IQCK: variants seen among roughly 807,000 people sequenced by gnomAD.
IQCK encodes IQ motif containing K.
IQCK carries 29 observed loss-of-function variants against 28.1 expected under a neutral mutation model. That is an observed-to-expected ratio of 1.03 (90% confidence interval 0.77 to 1.41). The LOEUF is 1.41. Ranked by LOEUF, IQCK falls within the 40% of genes most tolerant of loss-of-function variation. The probability of loss-of-function intolerance (pLI) is 0.00; values close to 1 mark genes in which losing one functional copy is unlikely to be tolerated. For missense variants in IQCK, 359 were observed against 314.7 expected (o/e 1.14, Z -1.07); for synonymous variants, 113 against 115.1 (o/e 0.98, Z 0.12).
chr16:19,831,605 T>C (rs1369797727), downstream of IQCK, among the ~76,000 whole-genome samples: 2 of 151,958 alleles, frequency 1.3e-5, no homozygotes, highest in Admixed American at 6.6e-5. Flanking sequence ...TCCTTTAGAC[T>C]TGCAATAAAA....
chr16:19,719,965 G>A (rs941174956), intron 1 of IQCK, among the ~76,000 whole-genome samples: 1 of 152,036 alleles, frequency 6.6e-6, no homozygotes, highest in Non-Finnish European at 1.5e-5. Flanking sequence ...GAGCCACCAG[G>A]CCCAGCCCAG....
chr16:19,852,682 A>G (rs2056499370), intron 9 of IQCK, among the ~76,000 whole-genome samples: 1 of 137,912 alleles, frequency 7.3e-6, no homozygotes, highest in African/African-American at 2.8e-5. Context: ...GAGTGCAGTG[A>G]CGCGATCTTG....
intron 1 of IQCK, among the ~76,000 whole-genome samples, chr16:19,726,160 C>T (rs1478870813): frequency 2.0e-5 from 3 of 151,518 alleles, no homozygotes; most frequent in South Asian, 2.1e-4. Flanking sequence ...GTGATCCGCC[C>T]GCCTCGGCCT....
rs568537602 is a variant in IQCK, at chr16:19,773,987, T to C, written c.605+9875T>C. Among the ~76,000 whole-genome samples, 20 of 152,234 alleles carry C rather than the reference T, an allele frequency of 1.3e-4. No individual in the cohort carries two copies. The South Asian group carries it at 4.1e-3, about 32-fold the overall frequency. ...TCACTAGAAACATGTGGACCCAAAG[T>C]CATGGTATTGCGGGGGTCATCAGCA... On this transcript the variant is annotated intron_variant, in intron 6 of 7. Coordinates refer to ENST00000564186, the Ensembl canonical transcript of IQCK.
chr16:19,730,430 A>AGT lies in IQCK; in HGVS notation c.183_184dup (p.Tyr62CysfsTer20). On this transcript the variant is annotated frameshift_variant and splice_region_variant, in exon 2 of 8. Coordinates refer to ENST00000564186, the Ensembl canonical transcript of IQCK. LOFTEE classifies it high-confidence loss of function. ...AGGATTTTTTTTCCCTTCCCTTTAG[A>AGT]GTATGAAGCTGAGCAGCCTCCCTTT... The AGT allele has an allele frequency of 6.3e-7, 1 of 1,597,758 alleles. No individual in the cohort carries two copies.
intron 9 of IQCK, among the ~76,000 whole-genome samples, chr16:19,838,751 G>A (rs1249309625): frequency 6.6e-6 from 1 of 152,110 alleles, no homozygotes; most frequent in African/African-American, 2.4e-5. Flanking sequence ...GGGCACAGTG[G>A]TTCATGCCTG....
At chr16:19,837,538 G>C (rs1252407763) in intron 9 of IQCK, among the ~76,000 whole-genome samples, 2 of 152,284 alleles carry the variant, frequency 1.3e-5, no homozygotes, top group East Asian at 3.9e-4. Flanking sequence ...GGGACAATTA[G>C]GATCTGTCAC....
At chr16:19,762,590 C>T (rs1047037692) in intron 4 of IQCK, among the ~76,000 whole-genome samples, 6 of 152,146 alleles carry the variant, frequency 3.9e-5, no homozygotes, top group South Asian at 2.1e-4. Context: ...AAAGGATTCA[C>T]GCGTATTTCA....
intron 2 of IQCK, among the ~76,000 whole-genome samples, chr16:19,731,383 T>C (rs74013816): frequency 0.055 from 8,314 of 152,292 alleles, 705 homozygotes; most frequent in African/African-American, 0.18. Context: ...TCTCGACTTC[T>C]ATTAACTTCC....
chr16:19,730,395 T>C (rs1306256742), intron 1 of IQCK, 35 bp from the exon 2 acceptor site: 2 of 1,482,640 alleles, frequency 1.3e-6, no homozygotes, highest in Non-Finnish European at 1.8e-6. Context: ...TCTAGTGAAG[T>C]ATGGAATTGA....
At chr16:19,836,670 C>G (rs530141769) in intron 9 of IQCK, among the ~76,000 whole-genome samples, 1 of 152,138 alleles carries the variant, frequency 6.6e-6, no homozygotes, top group African/African-American at 2.4e-5. Flanking sequence ...CACGCCACCA[C>G]GCCTGGCTAA....
chr16:19,819,807 A>T, intron 7 of IQCK, among the ~76,000 whole-genome samples: 1 of 152,096 alleles, frequency 6.6e-6, no homozygotes, highest in Admixed American at 6.6e-5. Context: ...AGGTCAGGAA[A>T]TCTAGACCAT....
chr16:19,803,385 C>T (rs1027771654), intron 7 of IQCK, among the ~76,000 whole-genome samples: 6 of 152,116 alleles, frequency 3.9e-5, no homozygotes, highest in South Asian at 2.1e-4. Context: ...TCAAGTGATA[C>T]GCCCACCTCA....
At chr16:19,799,514 G>A (rs2055731154) in intron 7 of IQCK, among the ~76,000 whole-genome samples, 1 of 106,156 alleles carries the variant, frequency 9.4e-6, no homozygotes, top group Non-Finnish European at 1.7e-5. Flanking sequence ...CAGGTGATCT[G>A]CCTGCCTTGG....
chr16:19,735,427 G>A, exon 4 of IQCK: 4 of 1,613,384 alleles, frequency 2.5e-6, no homozygotes, highest in Non-Finnish European at 3.4e-6. Context: ...GCTTCACCAA[G>A]CGAAGAAAGA....
chr16:19,724,314 C>G (rs1436798811), intron 1 of IQCK, among the ~76,000 whole-genome samples: 2 of 152,122 alleles, frequency 1.3e-5, no homozygotes, highest in Non-Finnish European at 2.9e-5. Context: ...GCAATACTTT[C>G]ACTTATCATA....
intron 7 of IQCK, among the ~76,000 whole-genome samples, chr16:19,789,413 A>G (rs866232853): frequency 1.1e-5 from 1 of 87,012 alleles, no homozygotes; most frequent in Non-Finnish European, 2.0e-5. Context: ...CCTGTCTCCA[A>G]AAAAAAAAAA....
At chr16:19,785,607 GTCTT>G (rs1370095804) in intron 6 of IQCK, among the ~76,000 whole-genome samples, 1 of 152,172 alleles carries the variant, frequency 6.6e-6, no homozygotes, top group Non-Finnish European at 1.5e-5. Flanking sequence ...TGCGGGCCGA[GTCTT>G]TGTTTGCATA....
intron 2 of IQCK, among the ~76,000 whole-genome samples, chr16:19,732,912 C>G (rs377474246): frequency 6.6e-6 from 1 of 152,232 alleles, no homozygotes; most frequent in East Asian, 1.9e-4. Context: ...TTTATGATAT[C>G]GAAGGACCAG....
Sources: gnomAD v4.1 joint callset for allele counts (sites outside exome capture counted in the v4.1 genomes callset) on GRCh38, gnomAD v4.1.1 for gene constraint, MANE v1.5 for transcripts, NCBI Gene and HGNC (gene_info 2026-07-23, HGNC 2026-07-21) for gene names.